TAB3: variants seen among roughly 807,000 people sequenced by gnomAD.
The protein encoded by TAB3 is TGF-beta activated kinase 1 (MAP3K7) binding protein 3, also known as TGF-beta-activated kinase 1 and MAP3K7-binding protein 3.
A neutral mutation model predicts 48.1 loss-of-function variants in TAB3; 18 were observed. The ratio of observed to expected loss-of-function variants is 0.37; its 90% CI spans 0.26 to 0.55. The LOEUF (loss-of-function observed/expected upper bound fraction) is 0.55, where lower values mean the gene tolerates loss of function less well. TAB3 is among the 20% of genes least tolerant of loss of function. The pLI, the probability that TAB3 is intolerant of heterozygous loss-of-function variation, is 0.78. For synonymous variants in TAB3, 185 were observed against 190.2 expected (o/e 0.97, Z 0.22); for missense variants, 414 against 549.8 (o/e 0.75, Z 2.47).
intron 10 of TAB3, 135 bp downstream of exon 10, chrX:30,833,916 C>T (rs191359320): frequency 2.0e-4 from 84 of 430,345 alleles, no homozygotes; most frequent in African/African-American, 1.8e-3. Context: ...TATATTTCTA[C>T]TGGACAGCAC....
At chrX:30,874,374 G>T (rs769652137) in intron 1 of TAB3, among the ~76,000 whole-genome samples, 4 of 112,129 alleles carry the variant, frequency 3.6e-5, no homozygotes, top group Non-Finnish European at 7.5e-5. Context: ...AATTATTGGG[G>T]AGTGAAATTA....
chrX:30,876,278 G>GTTTCAAATGATT (rs1939829771), intron 1 of TAB3, among the ~76,000 whole-genome samples: 1 of 111,634 alleles, frequency 9.0e-6, no homozygotes, highest in African/African-American at 3.3e-5. Context: ...ATCATCCTTG[G>GTTTCAAATGATT]TTTCAAATGA....
At chrX:30,857,074 T>C (rs932767504) in intron 5 of TAB3, among the ~76,000 whole-genome samples, 2 of 112,121 alleles carry the variant, frequency 1.8e-5, no homozygotes, top group Non-Finnish European at 3.8e-5. Flanking sequence ...CATTTTAACC[T>C]TTTCTTTATA....
intron 2 of TAB3, among the ~76,000 whole-genome samples, chrX:30,868,301 A>ATATATATATATATATATATATAATCTTT: frequency 1.5e-4 from 1 of 6,610 alleles, no homozygotes; most frequent in South Asian, 5.6e-3. Context: ...GTGAAAAGCT[A>ATATATATATATATATATATATAATCTTT]TATATATATA....
At chrX:30,861,247 C>G (rs941980837) in intron 4 of TAB3, among the ~76,000 whole-genome samples, 29 of 111,735 alleles carry the variant, frequency 2.6e-4, no homozygotes, top group African/African-American at 8.8e-4. Flanking sequence ...AATGATGAAT[C>G]AATTTCACTA....
chrX:30,887,611 A>G (rs1171866368), intron 1 of TAB3, among the ~76,000 whole-genome samples: 1 of 112,647 alleles, frequency 8.9e-6, no homozygotes, highest in African/African-American at 3.2e-5. Flanking sequence ...TCGCCAAAGA[A>G]TATTGGAGGT....
intron 9 of TAB3, chrX:30,836,085 T>C (rs918153227): frequency 4.5e-5 from 5 of 112,276 alleles, no homozygotes; most frequent in African/African-American, 9.7e-5. Context: ...CTTGATTTTA[T>C]GGAGAAAACT....
rs147799245 is a variant in TAB3, at chrX:30,852,864, G to A, written c.1624C>T (p.Arg542Trp). 3.1e-5 allele frequency: 37 copies of A among 1,209,102 alleles called. No individual in the cohort carries two copies. The Middle Eastern group carries it at 1.4e-3, about 45-fold the overall frequency. The change falls in exon 7 of 11, where the codon CGG becomes TGG. Residue 542 changes from arginine (R) to tryptophan (W), a missense_variant. Coordinates refer to ENST00000288422, the MANE Select transcript of TAB3 (RefSeq NM_152787.5). ...QLKLEKEELE[R>W]LKSEVNGMEH... is the part of the protein sequence containing the mutation. ...ATACCATTAACTTCAGACTTCAACC[G>A]CTCTAGCTCCTCTTTCTCAAGTTTC...
At chrX:30,871,511 CTAG>C (rs1280638797) in intron 2 of TAB3, among the ~76,000 whole-genome samples, 185 bp downstream of exon 2, 3 of 112,059 alleles carry the variant, frequency 2.7e-5, no homozygotes, top group Non-Finnish European at 5.6e-5. Context: ...AGTACTAGTA[CTAG>C]TAGTAGCAGT....
intron 8 of TAB3, chrX:30,843,818 A>G (rs1938534496): frequency 9.0e-6 from 1 of 111,448 alleles, no homozygotes; most frequent in South Asian, 3.8e-4. Flanking sequence ...TGTCTCCTCC[A>G]AGGTTGGTTT....
At chrX:30,841,422 A>C (rs910655846) in intron 9 of TAB3, among the ~76,000 whole-genome samples, 33 of 110,561 alleles carry the variant, frequency 3.0e-4, no homozygotes, top group African/African-American at 9.9e-4. Context: ...CTCAAAAAAA[A>C]AAAAGAAATC....
At chrX:30,842,729 G>A (rs1387188451) in intron 9 of TAB3, among the ~76,000 whole-genome samples, 3 of 110,875 alleles carry the variant, frequency 2.7e-5, no homozygotes, top group African/African-American at 9.9e-5. Context: ...GGGAGGCTGA[G>A]GCAGAAAGAT....
At chrX:30,837,041 CTTTTTTTTTTTT>C (rs370702875) in intron 9 of TAB3, among the ~76,000 whole-genome samples, 1 of 36,573 alleles carries the variant, frequency 2.7e-5, no homozygotes, top group African/African-American at 9.9e-5. Flanking sequence ...AAAATGACAT[CTTTTTTTTTTTT>C]TTTTTTTTTT....
At chrX:30,862,642 C>T (rs1467829892) in intron 4 of TAB3, among the ~76,000 whole-genome samples, 12 of 111,673 alleles carry the variant, frequency 1.1e-4, no homozygotes, top group African/African-American at 3.6e-4. Context: ...AATTAGCTAC[C>T]ATTTACTGGT....
At chrX:30,858,110 AAGACTT>A (rs1939132504) in intron 5 of TAB3, among the ~76,000 whole-genome samples, 2 of 112,157 alleles carry the variant, frequency 1.8e-5, no homozygotes, top group African/African-American at 6.5e-5. Flanking sequence ...AAAAAAGTGA[AAGACTT>A]AGGACAGTGT....
intron 1 of TAB3, among the ~76,000 whole-genome samples, chrX:30,872,432 C>A (rs767366561): frequency 9.0e-6 from 1 of 111,663 alleles, no homozygotes; most frequent in South Asian, 3.8e-4. Flanking sequence ...ACTGTTCGCT[C>A]AGGATTGGAA....
intron 9 of TAB3, among the ~76,000 whole-genome samples, chrX:30,839,757 G>A (rs777577516): frequency 3.1e-4 from 34 of 109,038 alleles, no homozygotes; most frequent in Admixed American, 1.6e-3. Context: ...TACGGGAAGC[G>A]TTCCCTCCTG....
intron 1 of TAB3, among the ~76,000 whole-genome samples, chrX:30,876,901 A>C (rs897349506): frequency 2.7e-5 from 3 of 111,688 alleles, no homozygotes; most frequent in Non-Finnish European, 5.6e-5. Flanking sequence ...AGAAACATGG[A>C]AGATACAGTG....
chrX:30,848,160 A>C (rs1938694780), intron 7 of TAB3, among the ~76,000 whole-genome samples: 1 of 111,655 alleles, frequency 9.0e-6, no homozygotes, highest in South Asian at 3.7e-4. Context: ...GTTGGGGGCA[A>C]GAGAGATGTT....
Sources: allele counts gnomAD v4.1 joint callset (sites outside exome capture counted in the v4.1 genomes callset), GRCh38; gene constraint gnomAD v4.1.1; transcripts MANE v1.5; gene names NCBI Gene and HGNC (gene_info 2026-07-23, HGNC 2026-07-21).